Variants in DDX60L observed in about 807,000 individuals in gnomAD.
The protein encoded by DDX60L is DExD/H-box 60 like.
Under a neutral mutation model 211.6 loss-of-function variants are expected in DDX60L, and 191 were observed. That is an observed-to-expected ratio of 0.90 (90% CI 0.80 to 1.02). DDX60L has a LOEUF of 1.02. Among genes scored for constraint, DDX60L ranks in the 50% least tolerant of loss-of-function variants. DDX60L has a pLI of 0.00. For missense variants in DDX60L, 2,007 were observed against 1,984.1 expected, an observed-to-expected ratio of 1.01 and a Z score of -0.22; for synonymous variants, 706 against 694.1, an observed-to-expected ratio of 1.02 and a Z score of -0.27.
In DDX60L at chr4:168,446,097, T is replaced by C. The variant is rs779387480; in HGVS notation, c.1138+2541A>G. 1.2e-4 allele frequency among the ~76,000 whole-genome samples: 18 copies of C among 151,212 alleles called. No individual in the cohort carries two copies. The South Asian group carries it at 2.1e-3, about 18-fold the overall frequency. ...AAAAGAGGAAGTCAAATTGTCCCTG[T>C]TTGCAGACGACATGATTGTATATCT... On this transcript the variant is annotated intron_variant, in intron 9 of 37. Coordinates refer to ENST00000682922, the MANE Select transcript of DDX60L (RefSeq NM_001012967.3).
At position 168,441,337 on chromosome 4, in the gene DDX60L, C is replaced by T. The variant is rs1354023466; in HGVS notation, c.1294G>A (p.Glu432Lys). 3 of 1,603,008 alleles carry T rather than the reference C, an allele frequency of 1.9e-6. No homozygotes were observed. The South Asian group carries it at 3.4e-5, about 18-fold the overall frequency. The change falls in exon 10 of 38, where the codon GAA (glutamate) becomes AAA (lysine). Residue 432 changes from glutamate (E) to lysine (K), a missense_variant and splice_region_variant. Glu to Lys is a moderately conservative substitution (Grantham distance 56). Coordinates refer to ENST00000682922, the MANE Select transcript of DDX60L (RefSeq NM_001012967.3). ...FLRQEKSVIQ[E>K]ISLEKMPSVG... ...CCACTTTAATTTACCCATTTAGTACCTTGAATGACCGATTTCTCTTGTCTA... is the reference window on the plus strand; with the variant it reads ...CCACTTTAATTTACCCATTTAGTACTTTGAATGACCGATTTCTCTTGTCTA...
intron 5 of DDX60L, among the ~76,000 whole-genome samples, chr4:168,459,774 G>GGGAAGGAA (rs70961524): frequency 0.023 from 1,331 of 56,898 alleles, 43 homozygotes; most frequent in Admixed American, 0.028. Flanking sequence ...GAAGGAAGGA[G>GGGAAGGAA]GGAAGGAAGG....
Position 168,461,713 on chromosome 4 carries a change from T to G in DDX60L, c.592A>C (p.Thr198Pro). Residue 198 changes from threonine to proline, a missense_variant, in exon 5 of 38, where the codon ACT (threonine) becomes CCT (proline). Thr to Pro is a conservative substitution (Grantham distance 38). Coordinates refer to ENST00000682922, the MANE Select transcript of DDX60L (RefSeq NM_001012967.3). ...ATGTCAATTACCTCCTTGGAAAAAG[T>G]TTGGTTTCTGTCTGTGCTTTCCATA... ...YTMESTDRNQTFSKENETVIQ... is the reference protein window; with the variant it reads ...YTMESTDRNQPFSKENETVIQ... The G allele has an allele frequency of 1.3e-6, 2 of 1,537,180 alleles. No homozygotes were observed. The highest frequency in any genetic ancestry group is 1.8e-6 in the Non-Finnish European group (2 of 1,140,334).
In DDX60L at chr4:168,379,347, T is replaced by C. The variant is rs998676338; in HGVS notation, c.4363+16A>G. ...TGTTGCCATTTTTCGACTACAGGTA[T>C]AAAACCCAAGCTTACCTTTCCAGGC... On this transcript the variant is annotated intron_variant, in intron 32 of 37. Transcript: ENST00000682922. The C allele has an allele frequency of 1.3e-6, 2 of 1,537,430 alleles. No individual in the cohort carries two copies. The highest frequency in any genetic ancestry group is 2.8e-5 in the African/African-American group (2 of 70,830).
intron 8 of DDX60L, among the ~76,000 whole-genome samples, chr4:168,450,451 T>TA (rs557363414): frequency 6.9e-6 from 1 of 144,864 alleles, no homozygotes; most frequent in Non-Finnish European, 1.5e-5. Context: ...AATTGAATAA[T>TA]AATAAAACTC....
chr4:168,366,940 T>A (rs1419725388), intron 36 of DDX60L, among the ~76,000 whole-genome samples: 1 of 151,914 alleles, frequency 6.6e-6, no homozygotes, highest in Non-Finnish European at 1.5e-5. Flanking sequence ...TTATATTATA[T>A]GTTAATATAT....
intron 36 of DDX60L, among the ~76,000 whole-genome samples, chr4:168,366,230 A>G (rs1739966294): frequency 6.6e-6 from 1 of 152,154 alleles, no homozygotes; most frequent in Non-Finnish European, 1.5e-5. Flanking sequence ...GATCTTATAT[A>G]CAGGAAACCC....
At chr4:168,466,155 G>GA (rs1203096275) in intron 4 of DDX60L, among the ~76,000 whole-genome samples, 1 of 151,680 alleles carries the variant, frequency 6.6e-6, no homozygotes, top group Non-Finnish European at 1.5e-5. Context: ...GAAGTTAGTG[G>GA]AAAAAAGAGT....
chr4:168,361,369 G>A, intron 36 of DDX60L, 158 bp from the exon 37 acceptor site: 2 of 514,398 alleles, frequency 3.9e-6, no homozygotes, highest in African/African-American at 1.9e-5. Context: ...GAAATTGAGA[G>A]GCATAGGTAA....
At chr4:168,420,463 TACACAC>T (rs10598232) in intron 17 of DDX60L, 83 bp from the exon 18 acceptor site, 94,219 of 435,816 alleles carry the variant, frequency 0.22, 4,967 homozygotes, top group African/African-American at 0.29. Flanking sequence ...TCCATACACA[TACACAC>T]ACACACACAC....
intron 36 of DDX60L, among the ~76,000 whole-genome samples, chr4:168,364,624 T>C (rs1432776198): frequency 6.6e-6 from 1 of 152,088 alleles, no homozygotes; most frequent in African/African-American, 2.4e-5. Flanking sequence ...CAAGTGATCA[T>C]CCCACCTCAA....
chr4:168,463,014 C>T (rs1368888478), intron 4 of DDX60L, among the ~76,000 whole-genome samples: 1 of 151,948 alleles, frequency 6.6e-6, no homozygotes, highest in Non-Finnish European at 1.5e-5. Context: ...CTGATAAAGT[C>T]GCAGAGAAAA....
intron 22 of DDX60L, among the ~76,000 whole-genome samples, chr4:168,409,439 A>G (rs561773168): frequency 5.3e-5 from 8 of 152,346 alleles, no homozygotes; most frequent in Non-Finnish European, 1.2e-4. Context: ...ATAAAATACT[A>G]TGCAACTAAA....
chr4:168,395,055 C>T (rs2149742415), intron 27 of DDX60L, among the ~76,000 whole-genome samples: 1 of 152,294 alleles, frequency 6.6e-6, no homozygotes, highest in South Asian at 2.1e-4. Context: ...TATCCAACCC[C>T]TTAAAAATGT....
chr4:168,406,804 C>A (rs1387896398), intron 22 of DDX60L, 98 bp from the exon 23 acceptor site: 1 of 861,832 alleles, frequency 1.2e-6, no homozygotes, highest in South Asian at 1.7e-5. Flanking sequence ...CAAGTCTTTA[C>A]CTGTGAATCC....
At chr4:168,419,507 G>T in intron 18 of DDX60L, 110 bp from the exon 19 acceptor site, 1 of 615,744 alleles carries the variant, frequency 1.6e-6, no homozygotes, top group East Asian at 3.3e-5. Context: ...GTTTCATTAA[G>T]ATAATATTGC....
intron 3 of DDX60L, 107 bp downstream of exon 3, chr4:168,472,348 A>T (rs13149426): frequency 4.8e-6 from 4 of 833,558 alleles, no homozygotes; most frequent in Non-Finnish European, 7.6e-6. Context: ...AGCTGCTCCA[A>T]GATAAATAGG....
In DDX60L at chr4:168,462,949, T is replaced by C. The variant is rs559343047; in HGVS notation, c.265-909A>G. Reference sequence around the variant, plus strand: ...CTCACGCCAGTCAGATGGCTATTATTAAAAATAATAAAAAATGAGAGTTAA... The same window carrying C: ...CTCACGCCAGTCAGATGGCTATTATCAAAAATAATAAAAAATGAGAGTTAA... On this transcript the variant is annotated intron_variant, in intron 4 of 37. Coordinates refer to ENST00000682922, the MANE Select transcript of DDX60L (RefSeq NM_001012967.3). Among the ~76,000 whole-genome samples, 6 of 152,162 alleles carry C rather than the reference T, an allele frequency of 3.9e-5. No homozygotes were observed. The South Asian group carries it at 8.3e-4, about 21-fold the overall frequency.
intron 35 of DDX60L, 91 bp downstream of exon 35, chr4:168,373,575 T>G (rs2149646198): frequency 7.8e-7 from 1 of 1,282,568 alleles, no homozygotes; most frequent in Non-Finnish European, 1.1e-6. Flanking sequence ...TTCAGTGTTT[T>G]GGGTTTGAGG....
Sources: gnomAD v4.1 joint callset for allele counts (sites outside exome capture counted in the v4.1 genomes callset) on GRCh38, gnomAD v4.1.1 for gene constraint, MANE v1.5 for transcripts, NCBI Gene and HGNC (gene_info 2026-07-23, HGNC 2026-07-21) for gene names.